KDM4C: variants seen among roughly 807,000 people sequenced by gnomAD.
KDM4C encodes lysine-specific demethylase 4C.
In KDM4C, 81 loss-of-function variants were observed where a neutral mutation model predicts 129.3. The ratio of observed to expected loss-of-function variants is 0.63; its 90% CI spans 0.52 to 0.75. The LOEUF is 0.75. Among genes scored for constraint, KDM4C ranks in the 30% least tolerant of loss-of-function variants. KDM4C has a pLI of 0.00. For synonymous variants in KDM4C, 573 were observed against 456.1 expected, an observed-to-expected ratio of 1.26 and a Z score of -3.26; for missense variants, 1,457 against 1,304.0, an observed-to-expected ratio of 1.12 and a Z score of -1.81.
intron 17 of KDM4C, among the ~76,000 whole-genome samples, chr9:7,058,322 G>T (rs576524264): frequency 6.6e-6 from 1 of 152,276 alleles, no homozygotes; most frequent in South Asian, 2.1e-4. Flanking sequence ...AACGATGCAA[G>T]TGCAACGGCT....
At chr9:7,087,548 A>T (rs928958414) in intron 17 of KDM4C, among the ~76,000 whole-genome samples, 2 of 152,208 alleles carry the variant, frequency 1.3e-5, no homozygotes, top group African/African-American at 2.4e-5. Flanking sequence ...TAAAAAAATT[A>T]AACTTCAATT....
chr9:6,983,520 G>C (rs1817125024), intron 9 of KDM4C, among the ~76,000 whole-genome samples: 2 of 151,282 alleles, frequency 1.3e-5, no homozygotes, highest in East Asian at 3.9e-4. Flanking sequence ...AGGATCACTT[G>C]AGGCCAGGAG....
chr9:6,943,970 C>T (rs1055343047), intron 8 of KDM4C, among the ~76,000 whole-genome samples: 1 of 152,140 alleles, frequency 6.6e-6, no homozygotes, highest in African/African-American at 2.4e-5. Context: ...CAGACTTTTA[C>T]CTGGATCCTT....
intron 5 of KDM4C, among the ~76,000 whole-genome samples, chr9:6,874,939 A>C (rs1181532310): frequency 6.6e-6 from 1 of 151,992 alleles, no homozygotes; most frequent in Non-Finnish European, 1.5e-5. Flanking sequence ...GTTAAAAAAA[A>C]AAAAAAAAAA....
intron 8 of KDM4C, among the ~76,000 whole-genome samples, chr9:6,927,860 C>T (rs1822921158): frequency 6.6e-6 from 1 of 152,200 alleles, no homozygotes; most frequent in African/African-American, 2.4e-5. Flanking sequence ...CTATTTTGAT[C>T]TGGCTGTTCC....
In KDM4C at chr9:7,093,458, T is replaced by G. The variant is rs147507434; in HGVS notation, c.2425-10227T>G. On this transcript the variant is annotated intron_variant, in intron 17 of 21. Coordinates refer to ENST00000381309, the MANE Select transcript of KDM4C (RefSeq NM_015061.6). ...ACACCATGATGTTCTTCATTTTTGC[T>G]TATTCATTTTATCTCTGTTCACATG... 1.2e-4 allele frequency among the ~76,000 whole-genome samples: 18 copies of G among 152,358 alleles called. No individual in the cohort carries two copies. The East Asian group carries it at 3.5e-3, about 29-fold the overall frequency.
intron 11 of KDM4C, among the ~76,000 whole-genome samples, chr9:6,987,100 A>G (rs536239136): frequency 1.3e-5 from 2 of 152,294 alleles, no homozygotes; most frequent in Non-Finnish European, 1.5e-5. Context: ...TGTCACCTGC[A>G]GAAGAATTCA....
chr9:6,767,354 G>A (rs977310281), intron 1 of KDM4C, among the ~76,000 whole-genome samples: 2 of 151,846 alleles, frequency 1.3e-5, no homozygotes, highest in African/African-American at 4.8e-5. Context: ...CGTTCGGCAG[G>A]ATGGTCTCGA....
chr9:7,021,140 G>A (rs7875855), intron 15 of KDM4C, among the ~76,000 whole-genome samples: 222 of 146,948 alleles, frequency 1.5e-3, no homozygotes, highest in African/African-American at 3.6e-3. Context: ...GTGTGTGTGT[G>A]TATATATATA....
chr9:7,000,121 C>T (rs1340563618), intron 12 of KDM4C, among the ~76,000 whole-genome samples: 2 of 152,058 alleles, frequency 1.3e-5, no homozygotes, highest in Admixed American at 6.5e-5. Flanking sequence ...GATATTTTAT[C>T]TAGTGCTTAA....
chr9:6,924,078 A>G (rs1822034387), intron 8 of KDM4C, among the ~76,000 whole-genome samples: 1 of 152,190 alleles, frequency 6.6e-6, no homozygotes, highest in African/African-American at 2.4e-5. Context: ...AAGCTCAGAT[A>G]TGGTAATCCA....
At chr9:6,976,653 T>C (rs1278116872) in intron 8 of KDM4C, among the ~76,000 whole-genome samples, 1 of 152,204 alleles carries the variant, frequency 6.6e-6, no homozygotes, top group Non-Finnish European at 1.5e-5. Context: ...TGTGATTTGA[T>C]TGTGCCTCAA....
chr9:6,917,708 T>C (rs934471491), intron 8 of KDM4C, among the ~76,000 whole-genome samples: 1 of 152,190 alleles, frequency 6.6e-6, no homozygotes, highest in African/African-American at 2.4e-5. Flanking sequence ...TCTTTGCTGA[T>C]TGTCTTGCTT....
At chr9:7,014,523 C>T (rs1303354673) in intron 14 of KDM4C, among the ~76,000 whole-genome samples, 1 of 152,108 alleles carries the variant, frequency 6.6e-6, no homozygotes, top group Non-Finnish European at 1.5e-5. Flanking sequence ...AGTCTCCACA[C>T]CTATCTCAAT....
Position 6,805,723 on chromosome 9 carries a change from A to C in KDM4C, c.269A>C (p.Gln90Pro), listed in dbSNP as rs1829843939. 1.2e-6 allele frequency: 2 copies of C among 1,614,160 alleles called. No homozygotes were observed. Among genetic ancestry groups the C allele is most frequent in the Non-Finnish European group, 1.7e-6 (2 of 1,180,010 alleles). The change falls in exon 3 of 22, where the codon CAG becomes CCG. Residue 90 changes from glutamine to proline, a missense_variant. Coordinates refer to ENST00000381309, the MANE Select transcript of KDM4C (RefSeq NM_015061.6). ...QSGLFTQYNIQKKAMTVKEFR... is the reference protein window; with the variant it reads ...QSGLFTQYNIPKKAMTVKEFR... The stretch of plus-strand genomic sequence containing the variant: ...GGACTGTTCACTCAGTACAACATCC[A>C]GAAAAAAGCGATGACTGTGAAGGAG...
chr9:6,748,183 AC>A (rs1817946635), intron 1 of KDM4C, among the ~76,000 whole-genome samples: 1 of 150,268 alleles, frequency 6.7e-6, no homozygotes, highest in Non-Finnish European at 1.5e-5. Context: ...AAACAAACAA[AC>A]AAACAAAAAA....
intron 8 of KDM4C, among the ~76,000 whole-genome samples, chr9:6,914,456 A>G (rs1819942171): frequency 6.6e-6 from 1 of 152,214 alleles, no homozygotes; most frequent in Admixed American, 6.5e-5. Flanking sequence ...TACCGTTATG[A>G]TATGCCACAT....
chr9:6,876,334 C>T (rs897028287), intron 5 of KDM4C, among the ~76,000 whole-genome samples: 53 of 152,164 alleles, frequency 3.5e-4, no homozygotes, highest in African/African-American at 1.3e-3. Context: ...CCGTGTTGTT[C>T]TGTGAGGTAG....
At chr9:7,022,498 A>G (rs1237521960) in intron 15 of KDM4C, among the ~76,000 whole-genome samples, 3 of 151,520 alleles carry the variant, frequency 2.0e-5, no homozygotes, top group Non-Finnish European at 4.4e-5. Context: ...TTATGTGTTG[A>G]TTTTCTGCAC....
Sources: gnomAD v4.1 joint callset for allele counts (sites outside exome capture counted in the v4.1 genomes callset) on GRCh38, gnomAD v4.1.1 for gene constraint, MANE v1.5 for transcripts, NCBI Gene and HGNC (gene_info 2026-07-23, HGNC 2026-07-21) for gene names.